ZFAND3: variants seen among roughly 807,000 people sequenced by gnomAD.
ZFAND3 encodes zinc finger AN1-type containing 3.
A neutral mutation model predicts 29.6 loss-of-function variants in ZFAND3; 10 were observed. The ratio of observed to expected loss-of-function variants is 0.34; its 90% CI spans 0.21 to 0.57. The LOEUF (loss-of-function observed/expected upper bound fraction) is 0.57, where lower values mean the gene tolerates loss of function less well. Ranked by LOEUF, ZFAND3 falls within the 20% of genes least tolerant of loss-of-function variation. The pLI is 0.86. For missense variants in ZFAND3, 230 were observed against 304.5 expected (o/e 0.76, Z 1.82); for synonymous variants, 128 against 112.6 (o/e 1.14, Z -0.87).
intron 1 of ZFAND3, among the ~76,000 whole-genome samples, chr6:37,828,124 A>G (rs1763792458): frequency 6.6e-6 from 1 of 152,250 alleles, no homozygotes; most frequent in Non-Finnish European, 1.5e-5. Context: ...TGCATAAAAT[A>G]ATCACACTCA....
intron 1 of ZFAND3, among the ~76,000 whole-genome samples, chr6:37,835,562 TAAAA>T (rs1763952413): frequency 6.6e-6 from 1 of 151,972 alleles, no homozygotes; most frequent in Non-Finnish European, 1.5e-5. Context: ...AATCCTTTTT[TAAAA>T]AAATTATAAA....
chr6:37,842,155 C>G (rs1467351336), intron 1 of ZFAND3, among the ~76,000 whole-genome samples: 1 of 152,142 alleles, frequency 6.6e-6, no homozygotes, highest in Admixed American at 6.5e-5. Flanking sequence ...TTTATACTAT[C>G]ACATTCGGTA....
chr6:37,962,768 C>T (rs1762220431), intron 2 of ZFAND3, among the ~76,000 whole-genome samples: 1 of 152,204 alleles, frequency 6.6e-6, no homozygotes, highest in Non-Finnish European at 1.5e-5. Context: ...GGGCAACCCT[C>T]TCGGGTCCCC....
intron 2 of ZFAND3, among the ~76,000 whole-genome samples, chr6:37,986,881 A>G (rs187858048): frequency 2.0e-5 from 3 of 152,244 alleles, no homozygotes; most frequent in African/African-American, 4.8e-5. Flanking sequence ...AGTGACAACT[A>G]TGTCAGTGGA....
intron 2 of ZFAND3, among the ~76,000 whole-genome samples, chr6:38,048,262 C>T (rs908585509): frequency 6.6e-6 from 1 of 151,988 alleles, no homozygotes; most frequent in African/African-American, 2.4e-5. Context: ...CTCCGCCCCT[C>T]AAAGTGCTAG....
chr6:38,150,326 G>C lies in ZFAND3; in HGVS notation c.530-1909G>C, dbSNP rs139847904. ...AATTTAGAGTCAAACATACTGCCCT[G>C]CTCTCCCTGGGAAGCAGTTAATAAT... On this transcript the variant is annotated intron_variant, in intron 5 of 5. Transcript: ENST00000287218. Among the ~76,000 whole-genome samples, 201 of 152,284 alleles carry C rather than the reference G, an allele frequency of 1.3e-3. 1 individual carries two copies. The highest frequency in any genetic ancestry group is 2.5e-3 in the Non-Finnish European group (172 of 68,018).
chr6:37,850,594 G>C (rs1165879771), intron 1 of ZFAND3, among the ~76,000 whole-genome samples: 1 of 152,154 alleles, frequency 6.6e-6, no homozygotes, highest in East Asian at 1.9e-4. Context: ...ATTCAGTACA[G>C]TAACGTGCTG....
intron 2 of ZFAND3, among the ~76,000 whole-genome samples, chr6:38,042,014 GA>G (rs1474041091): frequency 6.7e-6 from 1 of 148,704 alleles, no homozygotes; most frequent in Non-Finnish European, 1.5e-5. Flanking sequence ...TTTTGGGGGG[GA>G]GGGGGAGAGA....
chr6:38,104,608 A>G (rs1025257522), intron 4 of ZFAND3, among the ~76,000 whole-genome samples: 1 of 152,208 alleles, frequency 6.6e-6, no homozygotes, highest in African/African-American at 2.4e-5. Flanking sequence ...TAAGTACTAT[A>G]TGACTACAGT....
chr6:38,097,027 C>T (rs1764994927), intron 4 of ZFAND3, among the ~76,000 whole-genome samples: 1 of 152,054 alleles, frequency 6.6e-6, no homozygotes. Context: ...CCTGGCAAAG[C>T]TTGGTTTTCT....
At chr6:37,898,368 G>T (rs1193939417) in intron 1 of ZFAND3, among the ~76,000 whole-genome samples, 1 of 152,160 alleles carries the variant, frequency 6.6e-6, no homozygotes, top group African/African-American at 2.4e-5. Context: ...CTGTTTGTCT[G>T]TTTCTACATC....
intron 1 of ZFAND3, among the ~76,000 whole-genome samples, chr6:37,872,196 A>G (rs943768984): frequency 1.3e-5 from 2 of 152,212 alleles, no homozygotes; most frequent in Non-Finnish European, 2.9e-5. Context: ...GCCTTCCCTC[A>G]GGCAAAAAGC....
In ZFAND3 at chr6:37,918,951, C is replaced by CTTTTTTTTTTTTTTTTTTT. The variant is rs66941014; in HGVS notation, c.72-11006_72-10988dup. ...TGTGTTTTCAAAACATGAAAAATGC[C>CTTTTTTTTTTTTTTTTTTT]TTTTTTTTTTTTTTTTTTTTGAGAC... is the stretch of plus-strand genomic sequence containing the variant. On this transcript the variant is annotated intron_variant, in intron 1 of 5. Coordinates refer to ENST00000287218, the MANE Select transcript of ZFAND3 (RefSeq NM_021943.3). Among the ~76,000 whole-genome samples the CTTTTTTTTTTTTTTTTTTT allele has an allele frequency of 2.3e-3, 238 of 104,698 alleles. 31 individuals are homozygous for CTTTTTTTTTTTTTTTTTTT. The highest frequency in any genetic ancestry group is 6.7e-3 in the African/African-American group (164 of 24,564). The allele number at this position is 104,698 out of a possible 152,430, so 68.7% of individuals were successfully genotyped here.
At chr6:37,908,542 T>TTAAAAAAAAAAAAAA (rs771596678) in intron 1 of ZFAND3, among the ~76,000 whole-genome samples, 1 of 124,130 alleles carries the variant, frequency 8.1e-6, no homozygotes, top group Non-Finnish European at 1.7e-5. Context: ...AAAAAAAAAT[T>TTAAAAAAAAAAAAAA]AAAAAAAAAA....
chr6:38,069,686 A>G (rs1010587703), intron 3 of ZFAND3, among the ~76,000 whole-genome samples: 1 of 152,230 alleles, frequency 6.6e-6, no homozygotes, highest in Non-Finnish European at 1.5e-5. Flanking sequence ...TCAAAAATCA[A>G]TGTGTGAGAT....
intron 1 of ZFAND3, among the ~76,000 whole-genome samples, chr6:37,829,298 G>A (rs912915462): frequency 6.6e-6 from 1 of 151,546 alleles, no homozygotes; most frequent in African/African-American, 2.4e-5. Context: ...CACTTTGGGT[G>A]GCTGAGGTGG....
intron 3 of ZFAND3, among the ~76,000 whole-genome samples, chr6:38,076,374 G>A (rs1764553935): frequency 6.6e-6 from 1 of 151,982 alleles, no homozygotes; most frequent in African/African-American, 2.4e-5. Context: ...CTTTATTACA[G>A]TGGTCTGGAA....
intron 1 of ZFAND3, among the ~76,000 whole-genome samples, chr6:37,876,902 A>G (rs780250894): frequency 1.3e-5 from 2 of 152,186 alleles, no homozygotes; most frequent in African/African-American, 4.8e-5. Flanking sequence ...TTTTTATGCT[A>G]TTAAATTCCT....
At chr6:38,023,139 A>G (rs1490238246) in intron 2 of ZFAND3, among the ~76,000 whole-genome samples, 1 of 152,240 alleles carries the variant, frequency 6.6e-6, no homozygotes, top group African/African-American at 2.4e-5. Context: ...CCATGAATCT[A>G]TAAGGCTACA....
Sources: gnomAD v4.1 joint callset for allele counts (sites outside exome capture counted in the v4.1 genomes callset) on GRCh38, gnomAD v4.1.1 for gene constraint, MANE v1.5 for transcripts, NCBI Gene and HGNC (gene_info 2026-07-23, HGNC 2026-07-21) for gene names.